Variants in TMEM108 observed in about 807,000 individuals in gnomAD.
TMEM108 encodes cancer/testis antigen 124.
A neutral mutation model predicts 35.1 loss-of-function variants in TMEM108; 12 were observed. The ratio of observed to expected loss-of-function variants is 0.34; its 90% CI spans 0.22 to 0.55. The LOEUF (loss-of-function observed/expected upper bound fraction) is 0.55, where lower values mean the gene tolerates loss of function less well. Among genes scored for constraint, TMEM108 ranks in the 20% least tolerant of loss-of-function variants. The probability of loss-of-function intolerance (pLI) is 0.89; values close to 1 mark genes in which losing one functional copy is unlikely to be tolerated. For missense variants in TMEM108, 680 were observed against 753.3 expected, an observed-to-expected ratio of 0.90 and a Z score of 1.14; for synonymous variants, 287 against 308.6, an observed-to-expected ratio of 0.93 and a Z score of 0.73.
chr3:133,289,178 C>G (rs748458423), intron 3 of TMEM108, among the ~76,000 whole-genome samples: 1 of 151,990 alleles, frequency 6.6e-6, no homozygotes, highest in Non-Finnish European at 1.5e-5. Context: ...GTTCTTGGGG[C>G]TTGGGGATGG....
intron 3 of TMEM108, among the ~76,000 whole-genome samples, chr3:133,235,827 G>T (rs1190197493): frequency 6.6e-6 from 1 of 152,104 alleles, no homozygotes; most frequent in South Asian, 2.1e-4. Context: ...TACAGAGAAA[G>T]GAATTGACAT....
chr3:133,393,321 C>T (rs2073260262), intron 5 of TMEM108, among the ~76,000 whole-genome samples: 1 of 152,212 alleles, frequency 6.6e-6, no homozygotes, highest in Non-Finnish European at 1.5e-5. Flanking sequence ...CAGAGCTCTT[C>T]TCACCACTTG....
chr3:133,388,622 G>A, intron 4 of TMEM108: 3 of 985,426 alleles, frequency 3.0e-6, no homozygotes, highest in Non-Finnish European at 2.4e-6. Context: ...CTAGAAGACT[G>A]AAAAGCAAAT....
At chr3:133,213,685 T>C (rs1368937900) in intron 2 of TMEM108, among the ~76,000 whole-genome samples, 1 of 152,204 alleles carries the variant, frequency 6.6e-6, no homozygotes, top group Non-Finnish European at 1.5e-5. Context: ...CTTTTTGCCT[T>C]CATTTCCAGG....
Position 133,397,188 on chromosome 3 carries a change from C to G in TMEM108, c.*1202C>G, listed in dbSNP as rs562403789. The G allele has an allele frequency of 6.6e-6, 1 of 152,262 alleles. No homozygotes were observed. The highest frequency in any genetic ancestry group is 6.5e-5 in the Admixed American group (1 of 15,292). The allele number at this position is 152,262 out of a possible 1,614,324, so 9.4% of individuals were successfully genotyped here. A position where few individuals can be genotyped will look rare whatever the true frequency, so the allele number is the denominator to read the frequency against. ...CCCAAGGGGCTTCCAGAGGTGGCCG[C>G]TTCTCTATTTTTTCCTGATTGTGGC... On this transcript the variant is annotated 3_prime_UTR_variant, in exon 6 of 6. Transcript: ENST00000321871.
At chr3:133,061,415 G>A (rs962907966) in intron 2 of TMEM108, among the ~76,000 whole-genome samples, 4 of 151,942 alleles carry the variant, frequency 2.6e-5, no homozygotes, top group Non-Finnish European at 4.4e-5. Context: ...GGGTTTCACC[G>A]TGTTAGCCAA....
At chr3:133,372,385 G>C (rs1406842743) in intron 3 of TMEM108, among the ~76,000 whole-genome samples, 6 of 152,148 alleles carry the variant, frequency 3.9e-5, no homozygotes, top group Non-Finnish European at 8.8e-5. Flanking sequence ...TGGGGGACTT[G>C]AGCTGAAAAT....
At chr3:133,203,804 C>T (rs927921347) in intron 2 of TMEM108, among the ~76,000 whole-genome samples, 1 of 152,062 alleles carries the variant, frequency 6.6e-6, no homozygotes, top group Non-Finnish European at 1.5e-5. Flanking sequence ...ATGATGTTGG[C>T]CTCATAAAAT....
chr3:133,105,795 A>T (rs981532335), intron 2 of TMEM108, among the ~76,000 whole-genome samples: 3 of 152,190 alleles, frequency 2.0e-5, no homozygotes, highest in African/African-American at 7.2e-5. Context: ...GAGTACTTTT[A>T]AAAGTGTCAA....
At chr3:133,324,050 T>C (rs974562431) in intron 3 of TMEM108, among the ~76,000 whole-genome samples, 13 of 152,198 alleles carry the variant, frequency 8.5e-5, no homozygotes, top group African/African-American at 2.7e-4. Flanking sequence ...GACTTAAATC[T>C]GAGACCTGAA....
At chr3:133,168,293 A>G (rs1368122282) in intron 2 of TMEM108, among the ~76,000 whole-genome samples, 5 of 152,156 alleles carry the variant, frequency 3.3e-5, no homozygotes, top group Non-Finnish European at 7.3e-5. Flanking sequence ...TATAAGGAAA[A>G]ATATATTTCT....
intron 2 of TMEM108, among the ~76,000 whole-genome samples, chr3:133,108,401 G>A (rs1235630539): frequency 6.6e-6 from 1 of 152,002 alleles, no homozygotes; most frequent in Non-Finnish European, 1.5e-5. Flanking sequence ...GTGTTTTTTG[G>A]CTGCATAAAT....
chr3:133,381,205 C>A, intron 4 of TMEM108, 44 bp downstream of exon 4: 1 of 1,529,262 alleles, frequency 6.5e-7, no homozygotes, highest in South Asian at 1.3e-5. Flanking sequence ...TCTACCACAT[C>A]ACTGGCTCAA....
chr3:133,103,770 T>C (rs1181647045), intron 2 of TMEM108, among the ~76,000 whole-genome samples: 1 of 152,144 alleles, frequency 6.6e-6, no homozygotes, highest in Non-Finnish European at 1.5e-5. Flanking sequence ...GGAGGTTGTG[T>C]AGCCCCATGG....
chr3:133,334,744 C>G (rs952264871), intron 3 of TMEM108, among the ~76,000 whole-genome samples: 2 of 152,150 alleles, frequency 1.3e-5, no homozygotes, highest in Admixed American at 6.5e-5. Context: ...GTTAAAGATG[C>G]TAATTTCTGA....
intron 4 of TMEM108, chr3:133,387,149 A>G: frequency 1.0e-6 from 1 of 985,472 alleles, no homozygotes; most frequent in East Asian, 1.1e-4. Flanking sequence ...TCTCTCTTGT[A>G]GAGGATGTTG....
chr3:133,337,639 G>A (rs1187916847), intron 3 of TMEM108, among the ~76,000 whole-genome samples: 4 of 152,050 alleles, frequency 2.6e-5, no homozygotes, highest in South Asian at 4.2e-4. Flanking sequence ...TTAATGCCCA[G>A]ACGTCGAAGA....
At chr3:133,112,601 C>T (rs188267854) in intron 2 of TMEM108, among the ~76,000 whole-genome samples, 41 of 152,156 alleles carry the variant, frequency 2.7e-4, no homozygotes, top group African/African-American at 8.4e-4. Context: ...CTTCCCTCAA[C>T]CCTATTCACA....
intron 4 of TMEM108, among the ~76,000 whole-genome samples, chr3:133,382,666 G>A (rs1257453699): frequency 1.3e-5 from 2 of 152,222 alleles, no homozygotes; most frequent in African/African-American, 2.4e-5. Flanking sequence ...ATCTCAAGAG[G>A]AACAAAGCCC....
Sources: gnomAD v4.1 joint callset for allele counts (sites outside exome capture counted in the v4.1 genomes callset) on GRCh38, gnomAD v4.1.1 for gene constraint, MANE v1.5 for transcripts, NCBI Gene and HGNC (gene_info 2026-07-23, HGNC 2026-07-21) for gene names.